The following LRP1B variants were observed in gnomAD, a reference collection of about 807,000 sequenced individuals.
LRP1B encodes the protein low-density lipoprotein receptor-related protein 1B.
A neutral mutation model predicts 556.6 loss-of-function variants in LRP1B; 217 were observed. That is an observed-to-expected ratio of 0.39 (90% CI 0.35 to 0.44). The LOEUF is 0.44. Among genes scored for constraint, LRP1B ranks in the 20% least tolerant of loss-of-function variants. The probability of loss-of-function intolerance (pLI) is 1.00; values close to 1 mark genes in which losing one functional copy is unlikely to be tolerated. For missense variants in LRP1B, 5,053 were observed against 5,620.8 expected (o/e 0.90, Z 3.23); for synonymous variants, 2,047 against 1,865.8 (o/e 1.10, Z -2.50).
At position 141,423,290 on chromosome 2, in the gene LRP1B, C is replaced by CCTTTTTTTTTTTTTTTTTTTTTTTTTT. The variant is rs1321976263; in HGVS notation, c.343+57105_343+57106insAAAAAAAAAAAAAAAAAAAAAAAAAAG. 7.3e-5 allele frequency among the ~76,000 whole-genome samples: 5 copies of CCTTTTTTTTTTTTTTTTTTTTTTTTTT among 68,376 alleles called. 2 individuals carry two copies. Among genetic ancestry groups the CCTTTTTTTTTTTTTTTTTTTTTTTTTT allele is most frequent in the African/African-American group, 1.0e-4 (2 of 19,412 alleles). The allele number at this position is 68,376 out of a possible 152,430, so 44.9% of individuals were successfully genotyped here. ...CCCTCTCACTAGGCAACAGCCAGAG[C>CCTTTTTTTTTTTTTTTTTTTTTTTTTT]TTTTTTTTTTTTTTTTTTTTTTTTT... On this transcript the variant is annotated intron_variant, in intron 3 of 90. Coordinates refer to ENST00000389484, the MANE Select transcript of LRP1B (RefSeq NM_018557.3).
At chr2:140,722,825 C>T (rs912606506) in intron 35 of LRP1B, among the ~76,000 whole-genome samples, 8 of 152,238 alleles carry the variant, frequency 5.3e-5, no homozygotes, top group African/African-American at 1.2e-4. Flanking sequence ...AGGAGGATCA[C>T]GAGGTCAGGA....
At chr2:140,657,624 TAC>T (rs372761384) in intron 41 of LRP1B, among the ~76,000 whole-genome samples, 87 of 45,628 alleles carry the variant, frequency 1.9e-3, no homozygotes, top group Non-Finnish European at 4.7e-3. Flanking sequence ...CATACATATA[TAC>T]ATACATATAT....
intron 2 of LRP1B, among the ~76,000 whole-genome samples, chr2:141,608,460 G>A (rs1002496760): frequency 6.6e-6 from 1 of 152,060 alleles, no homozygotes; most frequent in African/African-American, 2.4e-5. Flanking sequence ...TATCTGCTAC[G>A]GTGAGCAGAG....
intron 11 of LRP1B, among the ~76,000 whole-genome samples, chr2:141,034,471 G>T (rs192545184): frequency 1.3e-5 from 2 of 151,882 alleles, no homozygotes; most frequent in Admixed American, 6.6e-5. Flanking sequence ...CTGACAAAGG[G>T]CTAATACCCA....
intron 20 of LRP1B, among the ~76,000 whole-genome samples, chr2:140,939,479 A>G (rs2105284130): frequency 6.7e-6 from 1 of 148,278 alleles, no homozygotes; most frequent in South Asian, 2.1e-4. Flanking sequence ...ACATTTATAA[A>G]TATATTATAA....
At chr2:140,577,108 C>CAAT (rs1448054415) in intron 43 of LRP1B, among the ~76,000 whole-genome samples, 1 of 152,210 alleles carries the variant, frequency 6.6e-6, no homozygotes, top group Middle Eastern at 3.4e-3. Context: ...ACTCTGTTAC[C>CAAT]AATAAAGATT....
intron 11 of LRP1B, among the ~76,000 whole-genome samples, chr2:141,043,090 C>G (rs1372229780): frequency 6.6e-6 from 1 of 150,426 alleles, no homozygotes; most frequent in Non-Finnish European, 1.5e-5. Context: ...GTGTTCCTAG[C>G]CACTTGAGGG....
chr2:141,195,534 G>C (rs899359094), intron 6 of LRP1B, among the ~76,000 whole-genome samples: 15 of 152,110 alleles, frequency 9.9e-5, no homozygotes, highest in African/African-American at 3.6e-4. Flanking sequence ...AACTTTTAAA[G>C]ATGAATTTTG....
At chr2:141,242,282 C>G (rs1260767002) in intron 5 of LRP1B, among the ~76,000 whole-genome samples, 1 of 152,056 alleles carries the variant, frequency 6.6e-6, no homozygotes, top group Non-Finnish European at 1.5e-5. Flanking sequence ...GGTAAATTCT[C>G]CGCCTCCCAA....
intron 1 of LRP1B, among the ~76,000 whole-genome samples, chr2:142,030,530 T>C (rs77160428): frequency 0.069 from 10,455 of 151,608 alleles, 465 homozygotes; most frequent in East Asian, 0.2. Flanking sequence ...TATCTGGGGG[T>C]GAAGGAATTA....
chr2:141,459,106 G>A (rs1681754437), intron 3 of LRP1B, among the ~76,000 whole-genome samples: 1 of 17,688 alleles, frequency 5.7e-5, no homozygotes. Context: ...GAACAGGACA[G>A]TATGTTCAAT....
At chr2:141,542,943 G>T (rs1311043016) in intron 2 of LRP1B, among the ~76,000 whole-genome samples, 1 of 152,142 alleles carries the variant, frequency 6.6e-6, no homozygotes, top group Non-Finnish European at 1.5e-5. Context: ...AGTTTTTTAT[G>T]TACTGATAGC....
intron 2 of LRP1B, among the ~76,000 whole-genome samples, chr2:141,785,852 T>C (rs1695415970): frequency 6.6e-6 from 1 of 151,684 alleles, no homozygotes; most frequent in Non-Finnish European, 1.5e-5. Context: ...TAATAGTCCA[T>C]TCATATTAAA....
chr2:140,507,652 T>A (rs1245116850), intron 52 of LRP1B, among the ~76,000 whole-genome samples: 1 of 152,068 alleles, frequency 6.6e-6, no homozygotes, highest in Non-Finnish European at 1.5e-5. Flanking sequence ...AAAGAAAAAA[T>A]TAATACCATA....
intron 23 of LRP1B, among the ~76,000 whole-genome samples, chr2:140,890,911 A>G (rs1047850521): frequency 7.2e-5 from 11 of 152,126 alleles, no homozygotes; most frequent in African/African-American, 2.7e-4. Flanking sequence ...TGACATAACT[A>G]TATTAACATC....
At chr2:140,273,350 T>C (rs1380182436) in intron 85 of LRP1B, among the ~76,000 whole-genome samples, 1 of 71,430 alleles carries the variant, frequency 1.4e-5, no homozygotes, top group African/African-American at 4.4e-5. Flanking sequence ...CATGTTTCAC[T>C]TTTATGTACT....
chr2:140,399,276 A>AT (rs1317689098), intron 66 of LRP1B, among the ~76,000 whole-genome samples: 1 of 151,932 alleles, frequency 6.6e-6, no homozygotes, highest in Non-Finnish European at 1.5e-5. Context: ...TCGTGTATAG[A>AT]TTCCTGGAGA....
intron 41 of LRP1B, among the ~76,000 whole-genome samples, chr2:140,624,874 A>G (rs1321750339): frequency 6.6e-6 from 1 of 152,216 alleles, no homozygotes; most frequent in African/African-American, 2.4e-5. Flanking sequence ...AGGTGATCTG[A>G]AAGACAGAAG....
chr2:140,568,759 AT>A (rs1195004742), intron 43 of LRP1B, among the ~76,000 whole-genome samples: 27 of 152,200 alleles, frequency 1.8e-4, no homozygotes, highest in Non-Finnish European at 1.6e-4. Context: ...ATATAAGGGT[AT>A]CCCCATTACA....
Sources: gnomAD v4.1 joint callset for allele counts (sites outside exome capture counted in the v4.1 genomes callset) on GRCh38, gnomAD v4.1.1 for gene constraint, MANE v1.5 for transcripts, NCBI Gene and HGNC (gene_info 2026-07-23, HGNC 2026-07-21) for gene names.